The following PDGFD variants were observed in gnomAD, a reference collection of about 807,000 sequenced individuals.
PDGFD encodes the protein platelet-derived growth factor D.
Under a neutral mutation model 44.7 loss-of-function variants are expected in PDGFD, and 30 were observed. That is an observed-to-expected ratio of 0.67 (90% confidence interval 0.50 to 0.91). The LOEUF is 0.91. Ranked by LOEUF, PDGFD falls within the 40% of genes least tolerant of loss-of-function variation. The pLI, the probability that PDGFD is intolerant of heterozygous loss-of-function variation, is 0.00. For missense variants in PDGFD, 445 were observed against 457.8 expected, an observed-to-expected ratio of 0.97 and a Z score of 0.25; for synonymous variants, 173 against 168.4, an observed-to-expected ratio of 1.03 and a Z score of -0.21.
chr11:103,958,802 C>T (rs951535643), intron 3 of PDGFD, among the ~76,000 whole-genome samples: 1 of 152,084 alleles, frequency 6.6e-6, no homozygotes, highest in African/African-American at 2.4e-5. Context: ...AAGCTAGTTA[C>T]ATTATTAAAA....
At chr11:104,053,631 T>A (rs1860576065) in intron 1 of PDGFD, among the ~76,000 whole-genome samples, 1 of 152,124 alleles carries the variant, frequency 6.6e-6, no homozygotes, top group South Asian at 2.1e-4. Context: ...TGCATTCACA[T>A]AAAAATAAAT....
intron 3 of PDGFD, among the ~76,000 whole-genome samples, chr11:103,963,077 C>T (rs7110389): frequency 0.04 from 6,051 of 152,148 alleles, 184 homozygotes; most frequent in African/African-American, 0.081. Flanking sequence ...ATTCCTACAT[C>T]AGGGGGCTGT....
chr11:104,007,083 C>T (rs568174590), intron 1 of PDGFD, among the ~76,000 whole-genome samples: 1 of 152,262 alleles, frequency 6.6e-6, no homozygotes, highest in Admixed American at 6.5e-5. Context: ...CTGCGTGCTC[C>T]CCCTCCTGTA....
intron 3 of PDGFD, among the ~76,000 whole-genome samples, chr11:103,961,101 A>G (rs1010791014): frequency 3.3e-5 from 5 of 152,162 alleles, no homozygotes; most frequent in African/African-American, 1.2e-4. Flanking sequence ...AAGCTCCTTA[A>G]GGGTGGAAAT....
At chr11:104,126,959 C>G (rs1861850165) in intron 1 of PDGFD, among the ~76,000 whole-genome samples, 1 of 152,058 alleles carries the variant, frequency 6.6e-6, no homozygotes, top group East Asian at 1.9e-4. Flanking sequence ...GTTTTAACCT[C>G]TCCTCTATGA....
intron 6 of PDGFD, among the ~76,000 whole-genome samples, chr11:103,917,289 T>G (rs972892100): frequency 1.3e-5 from 2 of 152,212 alleles, no homozygotes; most frequent in Admixed American, 1.3e-4. Context: ...CATTAATTTT[T>G]AAATTCATAA....
At chr11:104,079,174 C>T (rs1278699266) in intron 1 of PDGFD, among the ~76,000 whole-genome samples, 2 of 152,140 alleles carry the variant, frequency 1.3e-5, no homozygotes, top group African/African-American at 4.8e-5. Context: ...ATGATTCAGG[C>T]TCCACTACCA....
chr11:104,049,628 GGCTCAGCA>G (rs1860496137), intron 1 of PDGFD, among the ~76,000 whole-genome samples: 1 of 152,040 alleles, frequency 6.6e-6, no homozygotes, highest in Non-Finnish European at 1.5e-5. Context: ...TCATATCTCA[GGCTCAGCA>G]GAGGAGGAGG....
At chr11:104,030,629 C>T (rs578013423) in intron 1 of PDGFD, among the ~76,000 whole-genome samples, 86 of 152,324 alleles carry the variant, frequency 5.6e-4, no homozygotes, top group Middle Eastern at 3.4e-3. Flanking sequence ...CTATACCAAT[C>T]CTACCATCTT....
chr11:104,144,205 A>T (rs1862127760), intron 1 of PDGFD, among the ~76,000 whole-genome samples: 1 of 152,162 alleles, frequency 6.6e-6, no homozygotes, highest in Non-Finnish European at 1.5e-5. Context: ...ATTCTTATCA[A>T]CATTTTTTAT....
At chr11:104,119,208 T>TTGGTA (rs1406170348) in intron 1 of PDGFD, among the ~76,000 whole-genome samples, 71 of 8,642 alleles carry the variant, frequency 8.2e-3, no homozygotes, top group Non-Finnish European at 0.016. Flanking sequence ...ATATAATATA[T>TTGGTA]TAATATAATA....
rs1217221001 is a variant in PDGFD, at chr11:103,957,596, G to A, written c.511-9872C>T. ...CAACTATCTGATCTTTGACAAACCT[G>A]AGAAAAACAAGCAATGGTGAAAGGA... is the stretch of plus-strand genomic sequence containing the variant. On this transcript the variant is annotated intron_variant, in intron 3 of 6. Coordinates refer to ENST00000393158, the MANE Select transcript of PDGFD (RefSeq NM_025208.5). Among the ~76,000 whole-genome samples, 6 of 152,242 alleles carry A rather than the reference G, an allele frequency of 3.9e-5. No homozygotes were observed. In the East Asian group the frequency reaches 1.2e-3, roughly 29 times the overall value.
At chr11:104,150,796 T>C (rs1235484252) in intron 1 of PDGFD, among the ~76,000 whole-genome samples, 1 of 152,186 alleles carries the variant, frequency 6.6e-6, no homozygotes, top group Non-Finnish European at 1.5e-5. Context: ...AGGACACTTG[T>C]GACTGCATTT....
intron 3 of PDGFD, among the ~76,000 whole-genome samples, chr11:103,973,269 A>G (rs1036899770): frequency 3.3e-5 from 5 of 150,984 alleles, no homozygotes; most frequent in Middle Eastern, 3.2e-3. Context: ...CTCCCAAGTA[A>G]CTGGGACCAC....
chr11:104,026,551 C>T (rs1860044383), intron 1 of PDGFD, among the ~76,000 whole-genome samples: 1 of 152,128 alleles, frequency 6.6e-6, no homozygotes, highest in Non-Finnish European at 1.5e-5. Flanking sequence ...AGATAATTCA[C>T]CTGTTATCCC....
chr11:104,149,303 G>C (rs1164691393), intron 1 of PDGFD, among the ~76,000 whole-genome samples: 1 of 152,068 alleles, frequency 6.6e-6, no homozygotes, highest in Non-Finnish European at 1.5e-5. Flanking sequence ...GTATAAACAA[G>C]AATTAAATTC....
chr11:104,150,544 T>C lies in PDGFD; in HGVS notation c.124+13260A>G, dbSNP rs929622492. Among the ~76,000 whole-genome samples, 3 of 152,298 alleles carry C rather than the reference T, an allele frequency of 2.0e-5. No individual in the cohort carries two copies. The Middle Eastern group carries it at 0.01, about 518-fold the overall frequency. ...TTTACAGGCTTAAAACAACACACAT[T>C]ATTATCTTACAGTTCTGGAGACTGG... On this transcript the variant is annotated intron_variant, in intron 1 of 6. Transcript: ENST00000393158.
At chr11:104,141,399 A>T (rs71484341) in intron 1 of PDGFD, among the ~76,000 whole-genome samples, 34,776 of 147,636 alleles carry the variant, frequency 0.24, 4,211 homozygotes, top group East Asian at 0.29. Flanking sequence ...ATTTAATTTA[A>T]TTTTTTTTTT....
rs1281336365 is a variant in PDGFD at position 104,163,991 on chromosome 11, A to AC, written c.-65dup. ...AAGCCGGGTTCTGCTCCCGGGACCG[A>AC]CGCCGCGCCGCCCTGCGCTCTCGCC... On this transcript the variant is annotated 5_prime_UTR_variant, in exon 1 of 7. Transcript: ENST00000393158. 2.5e-5 allele frequency: 37 copies of AC among 1,461,766 alleles called. No individual in the cohort carries two copies. In the South Asian group the frequency reaches 5.7e-4, roughly 22 times the overall value. 90.5% of individuals were successfully genotyped at this position (1,461,766 alleles called of 1,614,324 possible).
Sources: allele counts gnomAD v4.1 joint callset (sites outside exome capture counted in the v4.1 genomes callset), GRCh38; gene constraint gnomAD v4.1.1; transcripts MANE v1.5; gene names NCBI Gene and HGNC (gene_info 2026-07-23, HGNC 2026-07-21).